The following KIAA0586 variants were observed in gnomAD, a reference collection of about 807,000 sequenced individuals.
The protein encoded by KIAA0586 is KIAA0586.
In KIAA0586, 144 loss-of-function variants were observed where a neutral mutation model predicts 169.8. The ratio of observed to expected loss-of-function variants is 0.85; its 90% CI spans 0.74 to 0.97. The LOEUF (loss-of-function observed/expected upper bound fraction) is 0.97. Among genes scored for constraint, KIAA0586 ranks in the 50% least tolerant of loss-of-function variants. KIAA0586 has a pLI of 0.00. For missense variants in KIAA0586, 1,854 were observed against 1,823.0 expected, an observed-to-expected ratio of 1.02 and a Z score of -0.31; for synonymous variants, 625 against 612.4, an observed-to-expected ratio of 1.02 and a Z score of -0.30.
At chr14:58,523,468 T>C (rs1254790701) in intron 29 of KIAA0586, among the ~76,000 whole-genome samples, 1 of 152,100 alleles carries the variant, frequency 6.6e-6, no homozygotes, top group Non-Finnish European at 1.5e-5. Context: ...TTATGATTTT[T>C]AAAATAGATA....
chr14:58,475,363 C>T (rs2041531763), intron 19 of KIAA0586, among the ~76,000 whole-genome samples: 1 of 152,058 alleles, frequency 6.6e-6, no homozygotes, highest in African/African-American at 2.4e-5. Context: ...ACAGTTTCCT[C>T]CCGAATCTAT....
chr14:58,467,653 G>A lies in KIAA0586; in HGVS notation c.2255-82G>A, dbSNP rs1632390. The A allele has an allele frequency of 0.99, 970,204 of 976,272 alleles. 482,250 individuals carry two copies. Among genetic ancestry groups the A allele is most frequent in the Non-Finnish European group, 1 (648,550 of 648,770 alleles). The allele number at this position is 976,272 out of a possible 1,614,324, so 60.5% of individuals were successfully genotyped here. ...GGGCTTTTTTAAATATGAGAATATA[G>A]CCATTAAGATCCAGATGGTATATTA... On this transcript the variant is annotated intron_variant, in intron 15 of 30. Coordinates refer to ENST00000652326, the MANE Select transcript of KIAA0586 (RefSeq NM_001329943.3).
At position 58,457,739 on chromosome 14, in the gene KIAA0586, TG is replaced by T; in HGVS notation, c.1363-18del. The T allele has an allele frequency of 6.7e-7, 1 of 1,499,754 alleles. No individual in the cohort carries two copies. The allele number at this position is 1,499,754 out of a possible 1,614,324, so 92.9% of individuals were successfully genotyped here. The stretch of plus-strand genomic sequence containing the variant: ...AATCGTTGTGAGTTTAGTAACTTTC[TG>T]GTCTTTTTTTCTTTTAAGCCAAAAG... On this transcript the variant is annotated intron_variant, in intron 10 of 30. Coordinates refer to ENST00000652326, the MANE Select transcript of KIAA0586 (RefSeq NM_001329943.3).
chr14:58,439,478 C>T (rs1029309300), intron 4 of KIAA0586, among the ~76,000 whole-genome samples: 23 of 152,134 alleles, frequency 1.5e-4, no homozygotes, highest in African/African-American at 4.6e-4. Context: ...TGAGCCACCG[C>T]GCCTGGCCAG....
At chr14:58,440,689 T>C (rs2038259234) in intron 4 of KIAA0586, among the ~76,000 whole-genome samples, 1 of 152,240 alleles carries the variant, frequency 6.6e-6, no homozygotes, top group Non-Finnish European at 1.5e-5. Context: ...AAAATTCTTT[T>C]CAGTGGTGTT....
intron 9 of KIAA0586, among the ~76,000 whole-genome samples, 158 bp from the exon 10 acceptor site, chr14:58,456,544 C>G (rs1772115963): frequency 1.3e-5 from 2 of 152,094 alleles, no homozygotes; most frequent in Non-Finnish European, 2.9e-5. Flanking sequence ...AATCACATAA[C>G]TGATTAATTC....
Position 58,453,420 on chromosome 14 carries a change from C to T in KIAA0586, c.1200C>T (p.Asn400=), listed in dbSNP as rs757333240. 1.7e-5 allele frequency: 26 copies of T among 1,513,964 alleles called. No homozygotes were observed. Among genetic ancestry groups the T allele is most frequent in the South Asian group, 5.2e-5 (4 of 77,172 alleles). The allele number at this position is 1,513,964 out of a possible 1,614,324, so 93.8% of individuals were successfully genotyped here. ...TGACAAGAAAAAGTGAATCATCAAA[C>T]ACCACCTCACTAACTAGGTCAAAAA... ...DSLTRKSESS[N]TTSLTRSKIG... The change falls in exon 9 of 31, where the codon AAC becomes AAT. Residue 400 remains asparagine, a synonymous_variant. Transcript: ENST00000652326.
In KIAA0586 at chr14:58,457,950, T is replaced by G. The variant is rs772226799; in HGVS notation, c.1554T>G (p.Tyr518Ter). 1 of 1,598,488 alleles carries G rather than the reference T, an allele frequency of 6.3e-7. No homozygotes were observed. The highest frequency in any genetic ancestry group is 1.1e-5 in the South Asian group (1 of 88,290). ...GTGCAAAAGATGGAGCTGCCATGTA[T>G]TCGCTTATCAATGCTTTATCTACCA... ...IIRAKDGAAM[Y>*]SLINALSTNR... Residue 518 changes from tyrosine (Y) to a stop codon, truncating the protein, a stop_gained, in exon 11 of 31, where the codon TAT becomes TAG. Coordinates refer to ENST00000652326, the MANE Select transcript of KIAA0586 (RefSeq NM_001329943.3). LOFTEE classifies it high-confidence loss of function.
Position 58,477,181 on chromosome 14 carries a change from A to T in KIAA0586, c.2884A>T (p.Ile962Phe), listed in dbSNP as rs376119494. 2 of 1,586,120 alleles carry T rather than the reference A, an allele frequency of 1.3e-6. No homozygotes were observed. The highest frequency in any genetic ancestry group is 1.7e-6 in the Non-Finnish European group (2 of 1,164,468). ...TGGGCTCTTTCCAGTCCAGCAACAG[A>T]TTGCACCTAGTATCAGTGTTTCAGT... ...ISGLFPVQQQIAPSISVSVSE... is the reference protein window; with the variant it reads ...ISGLFPVQQQFAPSISVSVSE... Residue 962 changes from isoleucine to phenylalanine, a missense_variant, in exon 20 of 31, where the codon ATT (isoleucine) becomes TTT (phenylalanine). By Grantham distance (21) the Ile-to-Phe change is conservative. Coordinates refer to ENST00000652326, the MANE Select transcript of KIAA0586 (RefSeq NM_001329943.3).
At chr14:58,513,692 G>A (rs2044553731) in intron 29 of KIAA0586, among the ~76,000 whole-genome samples, 1 of 151,808 alleles carries the variant, frequency 6.6e-6, no homozygotes, top group African/African-American at 2.4e-5. Flanking sequence ...ATCGATATGG[G>A]CAGATAAATG....
chr14:58,501,745 G>C (rs1950602799), intron 27 of KIAA0586, among the ~76,000 whole-genome samples: 1 of 152,098 alleles, frequency 6.6e-6, no homozygotes, highest in South Asian at 2.1e-4. Flanking sequence ...ATGTATCTTT[G>C]GTCAAATAAC....
At chr14:58,553,366 A>G (rs923940928), downstream of KIAA0586, among the ~76,000 whole-genome samples, 5 of 152,198 alleles carry the variant, frequency 3.3e-5, no homozygotes, top group East Asian at 1.9e-4. Flanking sequence ...AGATGAAGCT[A>G]TGGTCTCTCA....
chr14:58,488,945 T>C, intron 24 of KIAA0586, 71 bp downstream of exon 24: 1 of 1,460,888 alleles, frequency 6.8e-7, no homozygotes, highest in Non-Finnish European at 9.3e-7. Flanking sequence ...CTTTTCTATT[T>C]AAAGTGTTTT....
At chr14:58,495,859 T>C (rs1336143110) in intron 26 of KIAA0586, among the ~76,000 whole-genome samples, 1 of 152,158 alleles carries the variant, frequency 6.6e-6, no homozygotes, top group Non-Finnish European at 1.5e-5. Flanking sequence ...ATTTAGATAC[T>C]AAGGCATGGA....
chr14:58,428,275 C>T lies in KIAA0586; in HGVS notation c.11C>T (p.Ser4Phe). MKGSEVSLEKKKKI... is the reference protein window; with the variant it reads MKGFEVSLEKKKKI... ...TTTGTGACCAACAATATGAAAGGCT[C>T]TGAGGTCAGCTTGGAGAAGAAAAAA... Residue 4 changes from serine (S) to phenylalanine (F), a missense_variant, in exon 1 of 31, where the codon TCT (serine) becomes TTT (phenylalanine). Coordinates refer to ENST00000652326, the MANE Select transcript of KIAA0586 (RefSeq NM_001329943.3). 1 of 1,613,400 alleles carries T rather than the reference C, an allele frequency of 6.2e-7. No homozygotes were observed. The highest frequency in any genetic ancestry group is 1.1e-5 in the South Asian group (1 of 90,968).
intron 21 of KIAA0586, among the ~76,000 whole-genome samples, chr14:58,483,550 A>G (rs1291859586): frequency 1.3e-5 from 2 of 152,192 alleles, no homozygotes; most frequent in Non-Finnish European, 2.9e-5. Flanking sequence ...TAATTGTTTC[A>G]AAAGCATCCT....
intron 6 of KIAA0586, 150 bp downstream of exon 6, chr14:58,444,325 G>C (rs562340018): frequency 3.2e-6 from 2 of 634,200 alleles, no homozygotes; most frequent in Admixed American, 5.9e-5. Context: ...CCTGTAATGC[G>C]GGTAACTCTG....
intron 26 of KIAA0586, among the ~76,000 whole-genome samples, chr14:58,494,774 G>A (rs571959901): frequency 3.1e-4 from 47 of 152,182 alleles, no homozygotes; most frequent in African/African-American, 7.9e-4. Context: ...TGATGCCCAC[G>A]GATGGGCTTC....
intron 29 of KIAA0586, among the ~76,000 whole-genome samples, chr14:58,524,735 C>A (rs1317367666): frequency 6.6e-6 from 1 of 152,162 alleles, no homozygotes; most frequent in Non-Finnish European, 1.5e-5. Context: ...ACATAAAATA[C>A]ACTTTTACTA....
Sources: allele counts gnomAD v4.1 joint callset (sites outside exome capture counted in the v4.1 genomes callset), GRCh38; gene constraint gnomAD v4.1.1; transcripts MANE v1.5; gene names NCBI Gene and HGNC (gene_info 2026-07-23, HGNC 2026-07-21).